The following TRIM43 variants were observed in gnomAD, a reference collection of about 807,000 sequenced individuals.
TRIM43 encodes the protein tripartite motif-containing protein 43.
A neutral mutation model predicts 27.7 loss-of-function variants in TRIM43; 12 were observed. The ratio of observed to expected loss-of-function variants is 0.43; its 90% CI spans 0.28 to 0.70. The LOEUF is 0.70. Among genes scored for constraint, TRIM43 ranks in the 30% least tolerant of loss-of-function variants. The probability of loss-of-function intolerance (pLI) is 0.17; values close to 1 mark genes in which losing one functional copy is unlikely to be tolerated. For synonymous variants in TRIM43, 64 were observed against 121.9 expected (o/e 0.52, Z 3.13); for missense variants, 186 against 356.5 (o/e 0.52, Z 3.85).
Position 95,596,308 on chromosome 2 carries a change from A to G in TRIM43, c.614A>G (p.Tyr205Cys). 1.9e-6 allele frequency: 3 copies of G among 1,608,898 alleles called. No individual in the cohort carries two copies. Among genetic ancestry groups the G allele is most frequent in the Non-Finnish European group, 2.5e-6 (3 of 1,177,346 alleles). ...CATTTAGAGAGACTGAACAAGGAAT[A>G]CCAAGAGATTTTTCAGCAACTCCAG... ...KQHLERLNKE[Y>C]QEIFQQLQRS... The change falls in exon 4 of 7, where the codon TAC becomes TGC. Residue 205 changes from tyrosine to cysteine, a missense_variant. Tyr to Cys is a radical substitution (Grantham distance 194). Transcript: ENST00000272395.
chr2:95,594,055 A>G lies in TRIM43; in HGVS notation c.32A>G (p.Lys11Arg). Reference protein sequence around the residue: MDSDFSHAFQKELTCVICLNY... With the variant: MDSDFSHAFQRELTCVICLNY... ...TCAGACTTCTCACATGCCTTCCAGA[A>G]GGAACTCACCTGCGTCATCTGTTTG... Residue 11 changes from lysine to arginine, a missense_variant, in exon 2 of 7, where the codon AAG (lysine) becomes AGG (arginine). By Grantham distance (26) the Lys-to-Arg change is conservative. Around this residue, in one of 6 missense-constraint regions of TRIM43, gnomAD observed 41 missense variants for 46.1 expected, o/e 0.89. Transcript: ENST00000272395. 6.2e-7 allele frequency: 1 copy of G among 1,613,070 alleles called. No individual in the cohort carries two copies. The highest frequency in any genetic ancestry group is 8.5e-7 in the Non-Finnish European group (1 of 1,179,670).
At position 95,592,071 on chromosome 2, in the gene TRIM43, A is replaced by C. The variant is rs1040957527; in HGVS notation, c.-83A>C. The C allele has an allele frequency of 6.6e-6, 1 of 151,558 alleles. No individual in the cohort carries two copies. Among genetic ancestry groups the C allele is most frequent in the Non-Finnish European group, 1.5e-5 (1 of 67,918 alleles). 9.4% of individuals were successfully genotyped at this position (151,558 alleles called of 1,614,324 possible). On this transcript the variant is annotated 5_prime_UTR_variant, in exon 1 of 7. Coordinates refer to ENST00000272395, the MANE Select transcript of TRIM43 (RefSeq NM_138800.3). Reference sequence around the variant, plus strand: ...GACTTCCGAAAGCTACCAGCACTGCACTGTGAGACTCTCATCCCTGAGCTG... The same window carrying C: ...GACTTCCGAAAGCTACCAGCACTGCCCTGTGAGACTCTCATCCCTGAGCTG...
chr2:95,599,137 T>C lies in TRIM43; in HGVS notation c.905T>C (p.Leu302Pro). The C allele has an allele frequency of 1.5e-5, 1 of 66,716 alleles. No individual in the cohort carries two copies. The highest frequency in any genetic ancestry group is 2.4e-5 in the Non-Finnish European group (1 of 42,490). 4.1% of individuals were successfully genotyped at this position (66,716 alleles called of 1,614,324 possible). ...GAAGTAACCAATCACAATATCAGGC[T>C]CTTTGAGGATGTGAGAAGTTGGATG... ...HFEVTNHNIR[L>P]FEDVRSWMFR... The change falls in exon 7 of 7, where the codon CTC (leucine) becomes CCC (proline). Residue 302 changes from leucine (L) to proline (P), a missense_variant. By Grantham distance (98) the Leu-to-Pro change is moderately conservative (BLOSUM62 -3). Transcript: ENST00000272395.
Position 95,594,075 on chromosome 2 carries a change from T to G in TRIM43, c.52T>G (p.Cys18Gly). 6.2e-7 allele frequency: 1 copy of G among 1,613,162 alleles called. No homozygotes were observed. Among genetic ancestry groups the G allele is most frequent in the Non-Finnish European group, 8.5e-7 (1 of 1,179,684 alleles). Reference sequence around the variant, plus strand: ...CCAGAAGGAACTCACCTGCGTCATCTGTTTGAACTACCTGGTAGACCCTGT... The same window carrying G: ...CCAGAAGGAACTCACCTGCGTCATCGGTTTGAACTACCTGGTAGACCCTGT... The part of the protein sequence containing the change: ...AFQKELTCVI[C>G]LNYLVDPVTI... Residue 18 changes from cysteine to glycine, a missense_variant, in exon 2 of 7, where the codon TGT (cysteine) becomes GGT (glycine). Cys to Gly is a radical substitution (Grantham distance 159). Coordinates refer to ENST00000272395, the MANE Select transcript of TRIM43 (RefSeq NM_138800.3).
intron 3 of TRIM43, among the ~76,000 whole-genome samples, chr2:95,595,751 G>A (rs1181134570): frequency 6.6e-6 from 1 of 151,510 alleles, no homozygotes; most frequent in African/African-American, 2.4e-5. Flanking sequence ...AAAGATAGGA[G>A]ACAGAAAAGA....
At chr2:95,593,957 C>T (rs1186265533) in intron 1 of TRIM43, 63 bp from the exon 2 acceptor site, 1 of 1,549,436 alleles carries the variant, frequency 6.5e-7, no homozygotes, top group Non-Finnish European at 8.7e-7. Context: ...CTGATTCAAA[C>T]TTTGCTTGGA....
chr2:95,595,694 GT>G (rs1487965707), intron 3 of TRIM43, among the ~76,000 whole-genome samples: 3 of 151,284 alleles, frequency 2.0e-5, no homozygotes, highest in Admixed American at 2.0e-4. Flanking sequence ...GGGGATTAAT[GT>G]TCTTAGAATG....
intron 1 of TRIM43, among the ~76,000 whole-genome samples, chr2:95,593,408 A>G (rs1685292323): frequency 6.6e-6 from 1 of 151,832 alleles, no homozygotes; most frequent in East Asian, 1.9e-4. Context: ...TTAAATTAAC[A>G]TAGTAGCCTA....
intron 3 of TRIM43, among the ~76,000 whole-genome samples, chr2:95,595,624 A>G (rs1558838599): frequency 2.0e-5 from 3 of 150,238 alleles, no homozygotes. Flanking sequence ...AGGGATAAAA[A>G]ATGACTGGGG....
chr2:95,593,138 C>G (rs1685286526), intron 1 of TRIM43, among the ~76,000 whole-genome samples: 1 of 151,752 alleles, frequency 6.6e-6, no homozygotes, highest in South Asian at 2.1e-4. Flanking sequence ...ACATCGTGAT[C>G]TGCCTGCCTC....
At chr2:95,594,832 G>A (rs1441601371) in intron 2 of TRIM43, among the ~76,000 whole-genome samples, 2 of 151,444 alleles carry the variant, frequency 1.3e-5, no homozygotes, top group African/African-American at 4.9e-5. Context: ...TAATTTAGCT[G>A]GGTTACAGGA....
At chr2:95,592,513 C>T (rs1314950304) in intron 1 of TRIM43, among the ~76,000 whole-genome samples, 13 of 151,390 alleles carry the variant, frequency 8.6e-5, no homozygotes, top group Non-Finnish European at 1.8e-4. Flanking sequence ...GAAATATAGC[C>T]GCCTGCCACC....
chr2:95,594,985 C>T, intron 2 of TRIM43, 65 bp from the exon 3 acceptor site: 3 of 1,549,378 alleles, frequency 1.9e-6, no homozygotes, highest in Non-Finnish European at 2.6e-6. Flanking sequence ...CCTGTGTATA[C>T]CACTCAGATT....
In TRIM43 at chr2:95,596,196, C is replaced by T; in HGVS notation, c.508-6C>T. On this transcript the variant is annotated splice_polypyrimidine_tract_variant and splice_region_variant and intron_variant, in intron 3 of 6. Coordinates refer to ENST00000272395, the MANE Select transcript of TRIM43 (RefSeq NM_138800.3). ...TATATAACCTACAAAATTCATATCC[C>T]TACAGGGCAATGTGGTTTTACGGGC... 1 of 1,609,536 alleles carries T rather than the reference C, an allele frequency of 6.2e-7. No individual in the cohort carries two copies. Among genetic ancestry groups the T allele is most frequent in the Non-Finnish European group, 8.5e-7 (1 of 1,178,354 alleles).
At chr2:95,592,431 C>G (rs1266374624) in intron 1 of TRIM43, among the ~76,000 whole-genome samples, 1 of 151,642 alleles carries the variant, frequency 6.6e-6, no homozygotes, top group African/African-American at 2.4e-5. Context: ...AGTGCAGCGG[C>G]GCTCTTGGCT....
At chr2:95,594,902 A>G in intron 2 of TRIM43, 148 bp from the exon 3 acceptor site, 2 of 676,050 alleles carry the variant, frequency 3.0e-6, no homozygotes, top group African/African-American at 1.8e-5. Flanking sequence ...ACTGAAAAAT[A>G]TCAATTAAGG....
intron 3 of TRIM43, among the ~76,000 whole-genome samples, chr2:95,595,849 A>G (rs1382356192): frequency 3.3e-5 from 5 of 151,210 alleles, no homozygotes; most frequent in Non-Finnish European, 7.4e-5. Flanking sequence ...ATATACTAAA[A>G]ACATTTCTAC....
intron 3 of TRIM43, among the ~76,000 whole-genome samples, chr2:95,595,546 A>G (rs2463901): frequency 0.34 from 51,474 of 149,266 alleles, 10,155 homozygotes; most frequent in South Asian, 0.52. Flanking sequence ...GTGAAATCTG[A>G]TAGCAAAGGA....
In TRIM43 at chr2:95,593,767, G is replaced by A. The variant is rs111482044; in HGVS notation, c.-4-253G>A. 2.6e-5 allele frequency among the ~76,000 whole-genome samples: 4 copies of A among 151,876 alleles called. No individual in the cohort carries two copies. The East Asian group carries it at 5.8e-4, about 22-fold the overall frequency. ...TGGATACTAACACCTCAAAAAATCCGACATTCTTCCATGCAAGAAAGTAGA... is the reference window on the plus strand; with the variant it reads ...TGGATACTAACACCTCAAAAAATCCAACATTCTTCCATGCAAGAAAGTAGA... On this transcript the variant is annotated intron_variant, in intron 1 of 6. Transcript: ENST00000272395.
Sources: gnomAD v4.1 joint callset for allele counts (sites outside exome capture counted in the v4.1 genomes callset) on GRCh38, gnomAD v4.1.1 for gene constraint, gnomAD v4.1.1 regional missense constraint, MANE v1.5 for transcripts, NCBI Gene and HGNC (gene_info 2026-07-23, HGNC 2026-07-21) for gene names.